The following ELAVL2 variants were observed in gnomAD, a reference collection of about 807,000 sequenced individuals.
The protein encoded by ELAVL2 is ELAV-like protein 2.
A neutral mutation model predicts 34.6 loss-of-function variants in ELAVL2; 4 were observed. The observed-to-expected ratio is 0.12, with a 90% CI of 0.06 to 0.26. ELAVL2 has a LOEUF of 0.26. Among genes scored for constraint, ELAVL2 ranks in the 10% least tolerant of loss-of-function variants. The probability of loss-of-function intolerance (pLI) is 1.00; values close to 1 mark genes in which losing one functional copy is unlikely to be tolerated. For synonymous variants in ELAVL2, 193 were observed against 154.8 expected, an observed-to-expected ratio of 1.25 and a Z score of -1.83; for missense variants, 432 against 442.8, an observed-to-expected ratio of 0.98 and a Z score of 0.22.
chr9:23,779,607 C>G (rs1311677285), intron 1 of ELAVL2, among the ~76,000 whole-genome samples: 5 of 152,028 alleles, frequency 3.3e-5, no homozygotes, highest in African/African-American at 1.2e-4. Context: ...AGAGCAATTA[C>G]AGTTTGGTTA....
Position 23,692,778 on chromosome 9 carries a change from C to T in ELAVL2, c.859G>A (p.Ala287Thr), listed in dbSNP as rs1188175446. 2.5e-6 allele frequency: 4 copies of T among 1,614,036 alleles called. No individual in the cohort carries two copies. The highest frequency in any genetic ancestry group is 2.2e-5 in the East Asian group (1 of 44,878). Residue 287 changes from alanine to threonine, a missense_variant, in exon 7 of 7, where the codon GCA becomes ACA. Around this residue, in one of 3 missense-constraint regions of ELAVL2, gnomAD observed 295 missense variants for 306.1 expected, o/e 0.96. Coordinates refer to ENST00000397312, the MANE Select transcript of ELAVL2 (RefSeq NM_004432.5). ...ATTTGCCACAGGATACTCTCATCTGCGTCAGGAGCCAGGTTGTACACAAAT... is the reference window on the plus strand; with the variant it reads ...ATTTGCCACAGGATACTCTCATCTGTGTCAGGAGCCAGGTTGTACACAAAT... The part of the protein sequence containing the change: ...CIFVYNLAPD[A>T]DESILWQMFG...
chr9:23,734,973 T>C (rs1281910586), intron 2 of ELAVL2, among the ~76,000 whole-genome samples: 1 of 151,918 alleles, frequency 6.6e-6, no homozygotes. Context: ...TGCATACTGA[T>C]AATCCCCAAA....
At position 23,758,315 on chromosome 9, in the gene ELAVL2, A is replaced by G. The variant is rs972624307; in HGVS notation, c.229+3691T>C. 1.7e-4 allele frequency among the ~76,000 whole-genome samples: 26 copies of G among 152,024 alleles called. 1 individual carries two copies. The highest frequency in any genetic ancestry group is 1.4e-3 in the Admixed American group (22 of 15,224). On this transcript the variant is annotated intron_variant, in intron 2 of 6. Transcript: ENST00000397312. ...TATGCCTACTTTTCAAAGTACAACCACTCAGAACCCAGATTTAGATACTAC... is the reference window on the plus strand; with the variant it reads ...TATGCCTACTTTTCAAAGTACAACCGCTCAGAACCCAGATTTAGATACTAC...
At chr9:23,720,002 T>C (rs2043256632) in intron 3 of ELAVL2, among the ~76,000 whole-genome samples, 1 of 151,846 alleles carries the variant, frequency 6.6e-6, no homozygotes, top group Non-Finnish European at 1.5e-5. Flanking sequence ...ATTTTTTGTA[T>C]TTTAAGTAGA....
At chr9:23,724,703 A>C (rs1008901305) in intron 3 of ELAVL2, among the ~76,000 whole-genome samples, 3 of 152,198 alleles carry the variant, frequency 2.0e-5, no homozygotes, top group African/African-American at 7.2e-5. Context: ...GCTGATAATC[A>C]GATGTAATAT....
chr9:23,781,915 A>AC (rs1011892827), intron 1 of ELAVL2, among the ~76,000 whole-genome samples: 43 of 151,654 alleles, frequency 2.8e-4, no homozygotes, highest in African/African-American at 1.0e-3. Context: ...CGATCTCCTG[A>AC]CCTCGTGAGC....
intron 1 of ELAVL2, chr9:23,783,528 C>T (rs912881590): frequency 1.5e-5 from 15 of 985,148 alleles, no homozygotes; most frequent in Non-Finnish European, 1.8e-5. Context: ...GGAGATGGAG[C>T]TTTCAAATAA....
At chr9:23,698,139 G>C (rs892391824) in intron 5 of ELAVL2, among the ~76,000 whole-genome samples, 2 of 152,066 alleles carry the variant, frequency 1.3e-5, no homozygotes, top group Admixed American at 6.5e-5. Context: ...AGGCACACAG[G>C]TCATTACACT....
Position 23,784,376 on chromosome 9 carries a change from C to G in ELAVL2, c.-15-22127G>C, listed in dbSNP as rs77353559. Reference sequence around the variant, plus strand: ...GTGGGAATAAAACTGGGACAGTGATCAGAAGAAAAGCCTTCTGCAGATTAA... The same window carrying G: ...GTGGGAATAAAACTGGGACAGTGATGAGAAGAAAAGCCTTCTGCAGATTAA... On this transcript the variant is annotated intron_variant, in intron 1 of 6. Transcript: ENST00000397312. 2.8e-3 allele frequency among the ~76,000 whole-genome samples: 419 copies of G among 152,244 alleles called. 5 individuals carry two copies. The highest frequency in any genetic ancestry group is 9.8e-3 in the African/African-American group (407 of 41,524).
chr9:23,725,944 C>T (rs2045033679), intron 3 of ELAVL2, among the ~76,000 whole-genome samples: 1 of 151,854 alleles, frequency 6.6e-6, no homozygotes, highest in Non-Finnish European at 1.5e-5. Flanking sequence ...TAAATGGAAA[C>T]TTAAATGGTT....
At chr9:23,779,844 C>A (rs1209368542) in intron 1 of ELAVL2, among the ~76,000 whole-genome samples, 2 of 151,848 alleles carry the variant, frequency 1.3e-5, no homozygotes, top group Non-Finnish European at 2.9e-5. Flanking sequence ...AAAGCTGGAG[C>A]AATTCCAAAA....
At chr9:23,785,753 C>T (rs1342882064) in intron 1 of ELAVL2, among the ~76,000 whole-genome samples, 1 of 152,142 alleles carries the variant, frequency 6.6e-6, no homozygotes, top group African/African-American at 2.4e-5. Flanking sequence ...AGCATATGAC[C>T]AGCTCCAGTC....
chr9:23,726,389 AG>A (rs1385762330), intron 3 of ELAVL2, among the ~76,000 whole-genome samples: 1 of 152,138 alleles, frequency 6.6e-6, no homozygotes, highest in Non-Finnish European at 1.5e-5. Flanking sequence ...TGAATGATTA[AG>A]GAAAATATTT....
intron 1 of ELAVL2, among the ~76,000 whole-genome samples, chr9:23,780,410 T>C (rs1464531585): frequency 6.6e-6 from 1 of 152,202 alleles, no homozygotes. Flanking sequence ...TCCAACTTAA[T>C]AAACTTGGAA....
chr9:23,810,448 C>T (rs942367880), intron 1 of ELAVL2, among the ~76,000 whole-genome samples: 3 of 152,092 alleles, frequency 2.0e-5, no homozygotes, highest in African/African-American at 2.4e-5. Context: ...AACAACCCCA[C>T]CACTGGGGAA....
chr9:23,786,988 A>G (rs530013677), intron 1 of ELAVL2, among the ~76,000 whole-genome samples: 12 of 152,304 alleles, frequency 7.9e-5, no homozygotes, highest in African/African-American at 2.6e-4. Context: ...TTAAGCACAC[A>G]ATGGAATAAA....
At chr9:23,724,660 T>C (rs896577656) in intron 3 of ELAVL2, among the ~76,000 whole-genome samples, 25 of 152,140 alleles carry the variant, frequency 1.6e-4, no homozygotes, top group Non-Finnish European at 3.2e-4. Context: ...TCAATATAGA[T>C]AGAAGCATTT....
At chr9:23,715,226 G>A (rs2041991196) in intron 3 of ELAVL2, among the ~76,000 whole-genome samples, 1 of 152,132 alleles carries the variant, frequency 6.6e-6, no homozygotes. Flanking sequence ...TCAGCTCACT[G>A]CAAGCTCCAC....
intron 5 of ELAVL2, among the ~76,000 whole-genome samples, chr9:23,699,885 G>C (rs1175928288): frequency 3.1e-5 from 4 of 128,630 alleles, no homozygotes; most frequent in East Asian, 2.5e-4. Context: ...AGCAGAGCAT[G>C]AAGTACAAGG....
Sources: gnomAD v4.1 joint callset for allele counts (sites outside exome capture counted in the v4.1 genomes callset) on GRCh38, gnomAD v4.1.1 for gene constraint, gnomAD v4.1.1 regional missense constraint, MANE v1.5 for transcripts, NCBI Gene and HGNC (gene_info 2026-07-23, HGNC 2026-07-21) for gene names.